The following KCNT2 variants were observed in gnomAD, a reference collection of about 807,000 sequenced individuals.
KCNT2 encodes potassium channel subfamily T member 2.
KCNT2 carries 67 observed loss-of-function variants against 153.8 expected under a neutral mutation model. That is an observed-to-expected ratio of 0.44 (90% CI 0.36 to 0.53). KCNT2 has a LOEUF of 0.53. Ranked by LOEUF, KCNT2 falls within the 20% of genes least tolerant of loss-of-function variation. The pLI, the probability that KCNT2 is intolerant of heterozygous loss-of-function variation, is 0.00. For missense variants in KCNT2, 975 were observed against 1,354.8 expected (o/e 0.72, Z 4.40); for synonymous variants, 500 against 458.8 (o/e 1.09, Z -1.15).
chr1:196,320,920 A>AG (rs1477642468), intron 19 of KCNT2, among the ~76,000 whole-genome samples: 1 of 150,302 alleles, frequency 6.7e-6, no homozygotes. Context: ...AGTTCTTTGC[A>AG]GTACCTTGCT....
At chr1:196,509,541 T>C (rs1472583505) in intron 1 of KCNT2, among the ~76,000 whole-genome samples, 2 of 152,200 alleles carry the variant, frequency 1.3e-5, no homozygotes, top group African/African-American at 4.8e-5. Context: ...CAATAACTTA[T>C]TTACAGATGC....
intron 6 of KCNT2, among the ~76,000 whole-genome samples, chr1:196,468,641 T>A (rs774065768): frequency 4.0e-4 from 61 of 152,166 alleles, no homozygotes; most frequent in Non-Finnish European, 7.4e-4. Flanking sequence ...ATGAAAAACT[T>A]TTGTAAATAT....
At chr1:196,305,407 C>T (rs1473161103) in intron 21 of KCNT2, 62 bp from the exon 22 acceptor site, 4 of 894,796 alleles carry the variant, frequency 4.5e-6, no homozygotes, top group Non-Finnish European at 7.4e-6. Context: ...TTTATAACAA[C>T]ATATTTATGA....
chr1:196,254,485 A>C (rs993297552), intron 26 of KCNT2, among the ~76,000 whole-genome samples: 5 of 151,576 alleles, frequency 3.3e-5, no homozygotes, highest in African/African-American at 9.7e-5. Context: ...AAGTTGCAAA[A>C]AATTATAAAA....
At chr1:196,263,606 G>A (rs1260616728) in intron 25 of KCNT2, among the ~76,000 whole-genome samples, 1 of 151,974 alleles carries the variant, frequency 6.6e-6, no homozygotes, top group African/African-American at 2.4e-5. Context: ...CTCGGAGTAG[G>A]TAGAACCTCT....
At chr1:196,268,496 G>A (rs944552984) in intron 25 of KCNT2, among the ~76,000 whole-genome samples, 9 of 151,988 alleles carry the variant, frequency 5.9e-5, no homozygotes, top group Admixed American at 1.3e-4. Flanking sequence ...CAAGCTTCAC[G>A]GAGCATTTTA....
chr1:196,319,819 T>A (rs1364910998), intron 19 of KCNT2, among the ~76,000 whole-genome samples: 2 of 151,762 alleles, frequency 1.3e-5, no homozygotes, highest in Non-Finnish European at 2.9e-5. Flanking sequence ...TCTACAAAAA[T>A]ACAGAATTGA....
At chr1:196,461,056 C>A (rs1483314396) in intron 8 of KCNT2, among the ~76,000 whole-genome samples, 1 of 151,496 alleles carries the variant, frequency 6.6e-6, no homozygotes, top group Non-Finnish European at 1.5e-5. Context: ...AACTAGGAAC[C>A]AAATATGACA....
Position 196,319,500 on chromosome 1 carries a change from C to T in KCNT2, c.2332G>A (p.Val778Met), listed in dbSNP as rs1175812465. ...ICWFPMVYYM[V>M]GSIDNLDDLL... ...GTCACCTACTTGTCAATAGAGCCCACCATGTAGTAAACCATTGGAAACCAA... is the reference window on the plus strand; with the variant it reads ...GTCACCTACTTGTCAATAGAGCCCATCATGTAGTAAACCATTGGAAACCAA... Residue 778 changes from valine (V) to methionine (M), a missense_variant, in exon 20 of 28, where the codon GTG becomes ATG. Val to Met is a conservative substitution (Grantham distance 21, BLOSUM62 1). This residue lies in a region of KCNT2 where 325 missense variants were observed against 388.1 expected (regional missense o/e 0.84). Transcript: ENST00000294725. The T allele has an allele frequency of 3.7e-6, 6 of 1,609,828 alleles. No homozygotes were observed. The highest frequency in any genetic ancestry group is 5.1e-6 in the Non-Finnish European group (6 of 1,177,214).
At chr1:196,349,241 C>A (rs192461438) in intron 14 of KCNT2, among the ~76,000 whole-genome samples, 1 of 152,036 alleles carries the variant, frequency 6.6e-6, no homozygotes, top group African/African-American at 2.4e-5. Flanking sequence ...TTACAAATTC[C>A]GTGACTTTGT....
At position 196,557,231 on chromosome 1, in the gene KCNT2, G is replaced by A. The variant is rs182047893; in HGVS notation, c.95+50984C>T. On this transcript the variant is annotated intron_variant, in intron 1 of 27. Coordinates refer to ENST00000294725, the MANE Select transcript of KCNT2 (RefSeq NM_198503.5). ...ATTATTATGCATCATGTACCTGTAC[G>A]AAAATATCTCATATACCCCTGAAAT... Among the ~76,000 whole-genome samples, 575 of 151,174 alleles carry A rather than the reference G, an allele frequency of 3.8e-3. 2 individuals are homozygous for A. The highest frequency in any genetic ancestry group is 0.013 in the African/African-American group (551 of 41,372).
intron 26 of KCNT2, among the ~76,000 whole-genome samples, chr1:196,237,289 G>A (rs1434008131): frequency 1.3e-5 from 2 of 151,618 alleles, no homozygotes; most frequent in African/African-American, 4.8e-5. Flanking sequence ...TTCGGCTATG[G>A]TATTTCAAGT....
chr1:196,416,668 A>G (rs1672779275), intron 12 of KCNT2, among the ~76,000 whole-genome samples: 1 of 152,044 alleles, frequency 6.6e-6, no homozygotes, highest in African/African-American at 2.4e-5. Flanking sequence ...CTCCTGATTC[A>G]TAAGTAAAAG....
intron 1 of KCNT2, among the ~76,000 whole-genome samples, chr1:196,535,179 C>A (rs1178730514): frequency 6.6e-6 from 1 of 152,152 alleles, no homozygotes; most frequent in Non-Finnish European, 1.5e-5. Context: ...TCCCAACATT[C>A]TAGGAGGAGT....
At chr1:196,304,725 A>T (rs1365245907) in intron 22 of KCNT2, among the ~76,000 whole-genome samples, 2 of 152,128 alleles carry the variant, frequency 1.3e-5, no homozygotes, top group African/African-American at 4.8e-5. Flanking sequence ...CATTATCCGG[A>T]TCTCTTCCCA....
chr1:196,584,168 G>GATAAAATAAA (rs67886282), intron 1 of KCNT2, among the ~76,000 whole-genome samples: 8,644 of 141,014 alleles, frequency 0.061, 831 homozygotes, highest in African/African-American at 0.21. Context: ...CTGGAATTAA[G>GATAAAATAAA]ATAAAATAAA....
intron 12 of KCNT2, among the ~76,000 whole-genome samples, chr1:196,415,034 G>C (rs182809858): frequency 6.6e-6 from 1 of 151,988 alleles, no homozygotes; most frequent in Admixed American, 6.6e-5. Context: ...AATTGTAGCA[G>C]GACTGTTTAA....
At chr1:196,467,211 T>A (rs1353179979) in intron 7 of KCNT2, among the ~76,000 whole-genome samples, 3 of 152,068 alleles carry the variant, frequency 2.0e-5, no homozygotes, top group Non-Finnish European at 4.4e-5. Context: ...CTCTGAAGAT[T>A]GGCTAAGTGG....
At chr1:196,264,724 C>T (rs554884148) in intron 25 of KCNT2, among the ~76,000 whole-genome samples, 9 of 152,218 alleles carry the variant, frequency 5.9e-5, no homozygotes, top group Non-Finnish European at 8.8e-5. Flanking sequence ...CCTCCACCTC[C>T]CAGCTCAAGC....
Sources: allele counts gnomAD v4.1 joint callset (sites outside exome capture counted in the v4.1 genomes callset), GRCh38; gene constraint gnomAD v4.1.1; regional missense constraint gnomAD v4.1.1; transcripts MANE v1.5; gene names NCBI Gene and HGNC (gene_info 2026-07-23, HGNC 2026-07-21).